The following WDR70 variants were observed in gnomAD, a reference collection of about 807,000 sequenced individuals.
WDR70 encodes WD repeat-containing protein 70.
Under a neutral mutation model 88.6 loss-of-function variants are expected in WDR70, and 53 were observed. The observed-to-expected ratio is 0.60, with a 90% CI of 0.48 to 0.75. The LOEUF (loss-of-function observed/expected upper bound fraction) is 0.75. Among genes scored for constraint, WDR70 ranks in the 30% least tolerant of loss-of-function variants. The pLI is 0.00. For synonymous variants in WDR70, 280 were observed against 270.0 expected, an observed-to-expected ratio of 1.04 and a Z score of -0.36; for missense variants, 610 against 823.2, an observed-to-expected ratio of 0.74 and a Z score of 3.17.
chr5:37,550,738 TGTTATTATTGATAAGTAA>T (rs144077912), intron 9 of WDR70, among the ~76,000 whole-genome samples: 24,823 of 152,054 alleles, frequency 0.16, 2,128 homozygotes, highest in South Asian at 0.27. Flanking sequence ...TTACATACAG[TGTTATTATTGATAAGTAA>T]GGACTTGTTC....
At chr5:37,501,887 G>A (rs775250590) in intron 8 of WDR70, among the ~76,000 whole-genome samples, 1 of 152,018 alleles carries the variant, frequency 6.6e-6, no homozygotes, top group Non-Finnish European at 1.5e-5. Flanking sequence ...TATACCTCTT[G>A]ATTTGTTCTT....
intron 5 of WDR70, among the ~76,000 whole-genome samples, chr5:37,436,218 G>A (rs1397691001): frequency 6.6e-6 from 1 of 152,076 alleles, no homozygotes; most frequent in East Asian, 1.9e-4. Context: ...AATATAGGAG[G>A]TAAGCCTTGG....
At chr5:37,686,665 A>G (rs1289837724) in intron 10 of WDR70, among the ~76,000 whole-genome samples, 1 of 152,040 alleles carries the variant, frequency 6.6e-6, no homozygotes, top group Non-Finnish European at 1.5e-5. Flanking sequence ...CCAGAAATTG[A>G]CTGATATTCC....
At chr5:37,564,182 A>T (rs1465699118) in intron 9 of WDR70, among the ~76,000 whole-genome samples, 2 of 151,184 alleles carry the variant, frequency 1.3e-5, no homozygotes, top group Non-Finnish European at 3.0e-5. Flanking sequence ...GGCAGCTGGG[A>T]GGTGGAGGTT....
chr5:37,733,323 C>G (rs752834096), intron 17 of WDR70, among the ~76,000 whole-genome samples: 2 of 152,106 alleles, frequency 1.3e-5, no homozygotes, highest in Non-Finnish European at 2.9e-5. Context: ...ATCTCCTCAT[C>G]TCAAGATACC....
At chr5:37,379,683 A>G (rs758227457) in intron 2 of WDR70, 129 bp downstream of exon 2, 16 of 987,414 alleles carry the variant, frequency 1.6e-5, no homozygotes, top group African/African-American at 4.8e-5. Flanking sequence ...CAGTTTGTCA[A>G]TATTCTTCTC....
intron 9 of WDR70, among the ~76,000 whole-genome samples, chr5:37,526,193 T>C (rs1741264883): frequency 6.6e-6 from 1 of 152,158 alleles, no homozygotes; most frequent in Non-Finnish European, 1.5e-5. Context: ...AAGAGAATTT[T>C]AGACCAATAT....
At chr5:37,480,727 C>T (rs191277983) in intron 8 of WDR70, among the ~76,000 whole-genome samples, 19 of 152,256 alleles carry the variant, frequency 1.2e-4, no homozygotes, top group South Asian at 4.2e-4. Context: ...AATTCTGCCT[C>T]GGCCCCTCCG....
chr5:37,437,522 C>A (rs1462753832), intron 5 of WDR70, among the ~76,000 whole-genome samples: 1 of 151,966 alleles, frequency 6.6e-6, no homozygotes, highest in Non-Finnish European at 1.5e-5. Flanking sequence ...ATATATCAAC[C>A]TTTTCGCTCC....
intron 9 of WDR70, among the ~76,000 whole-genome samples, chr5:37,523,218 G>A (rs1741150624): frequency 6.6e-6 from 1 of 152,214 alleles, no homozygotes; most frequent in Non-Finnish European, 1.5e-5. Context: ...GCCTAACTGG[G>A]ATGCATCCCC....
intron 10 of WDR70, among the ~76,000 whole-genome samples, chr5:37,685,177 C>T (rs1746544820): frequency 6.6e-6 from 1 of 152,148 alleles, no homozygotes. Flanking sequence ...GCACTGACTG[C>T]AATGGTGGTA....
intron 7 of WDR70, among the ~76,000 whole-genome samples, chr5:37,446,438 A>G (rs2112065083): frequency 6.6e-6 from 1 of 152,286 alleles, no homozygotes; most frequent in East Asian, 1.9e-4. Flanking sequence ...GGAAAAAACT[A>G]CTTTAAAGTT....
intron 8 of WDR70, among the ~76,000 whole-genome samples, chr5:37,504,743 T>A (rs903921087): frequency 5.9e-5 from 9 of 152,234 alleles, no homozygotes; most frequent in African/African-American, 2.2e-4. Context: ...TATAGAAGAA[T>A]AAGCACGAAA....
At chr5:37,598,365 T>C (rs1408564059) in intron 9 of WDR70, among the ~76,000 whole-genome samples, 1 of 152,212 alleles carries the variant, frequency 6.6e-6, no homozygotes, top group East Asian at 1.9e-4. Flanking sequence ...AATGGGATCA[T>C]AATACCAACA....
chr5:37,544,049 A>G (rs1055798849), intron 9 of WDR70, among the ~76,000 whole-genome samples: 2 of 152,182 alleles, frequency 1.3e-5, no homozygotes, highest in African/African-American at 2.4e-5. Context: ...CTGGGATTAC[A>G]GGAGTGAGCC....
chr5:37,434,143 G>A (rs1750396845), intron 5 of WDR70, among the ~76,000 whole-genome samples: 1 of 152,284 alleles, frequency 6.6e-6, no homozygotes, highest in East Asian at 1.9e-4. Flanking sequence ...CTTCTTCATA[G>A]GGTGGCAAGA....
chr5:37,525,998 A>G (rs1164634785), intron 9 of WDR70, among the ~76,000 whole-genome samples: 2 of 152,208 alleles, frequency 1.3e-5, no homozygotes, highest in African/African-American at 4.8e-5. Flanking sequence ...TTAGTAGCCT[A>G]CCAACCAAAA....
At chr5:37,597,782 A>G (rs1046874730) in intron 9 of WDR70, among the ~76,000 whole-genome samples, 1 of 152,200 alleles carries the variant, frequency 6.6e-6, no homozygotes. Flanking sequence ...CTGCAGAACT[A>G]TGAGCTAAAT....
chr5:37,676,712 C>T (rs1390127676), intron 10 of WDR70, among the ~76,000 whole-genome samples: 3 of 151,700 alleles, frequency 2.0e-5, no homozygotes, highest in Non-Finnish European at 2.9e-5. Context: ...GGTTGTGTCT[C>T]TGCCAGGCTT....
Sources: allele counts gnomAD v4.1 joint callset (sites outside exome capture counted in the v4.1 genomes callset), GRCh38; gene constraint gnomAD v4.1.1; transcripts MANE v1.5; gene names NCBI Gene and HGNC (gene_info 2026-07-23, HGNC 2026-07-21).